Variants in GAPVD1 observed in about 807,000 individuals in gnomAD.
The protein encoded by GAPVD1 is GTPase-activating protein and VPS9 domain-containing protein 1.
In GAPVD1, 35 loss-of-function variants were observed where a neutral mutation model predicts 155.5. The ratio of observed to expected loss-of-function variants is 0.23; its 90% CI spans 0.17 to 0.30. The LOEUF is 0.30. Ranked by LOEUF, GAPVD1 falls within the 10% of genes least tolerant of loss-of-function variation. The pLI, the probability that GAPVD1 is intolerant of heterozygous loss-of-function variation, is 1.00. For missense variants in GAPVD1, 1,429 were observed against 1,775.7 expected, an observed-to-expected ratio of 0.80 and a Z score of 3.51; for synonymous variants, 636 against 619.7, an observed-to-expected ratio of 1.03 and a Z score of -0.39.
At chr9:125,264,973 C>T (rs1312976618) in intron 1 of GAPVD1, among the ~76,000 whole-genome samples, 1 of 151,972 alleles carries the variant, frequency 6.6e-6, no homozygotes, top group Non-Finnish European at 1.5e-5. Flanking sequence ...CCCGCCTTGG[C>T]CCCCCAGAGT....
At chr9:125,331,855 G>T in intron 13 of GAPVD1, 71 bp from the exon 14 acceptor site, 1 of 1,436,384 alleles carries the variant, frequency 7.0e-7, no homozygotes, top group South Asian at 1.2e-5. Context: ...TGTTTATCTG[G>T]GTCACAAAAG....
intron 19 of GAPVD1, among the ~76,000 whole-genome samples, chr9:125,345,647 T>C (rs1222963092): frequency 6.6e-6 from 1 of 152,222 alleles, no homozygotes; most frequent in Admixed American, 6.5e-5. Flanking sequence ...CCGATGAGCA[T>C]GCTACTTAAG....
At chr9:125,269,259 G>C (rs763373462) in intron 2 of GAPVD1, among the ~76,000 whole-genome samples, 2 of 151,758 alleles carry the variant, frequency 1.3e-5, no homozygotes, top group Non-Finnish European at 2.9e-5. Context: ...GGACAGACTA[G>C]TACTTGAAAA....
chr9:125,276,359 A>T (rs1020985076), intron 2 of GAPVD1, among the ~76,000 whole-genome samples: 3 of 152,108 alleles, frequency 2.0e-5, no homozygotes, highest in African/African-American at 2.4e-5. Context: ...CTTGTTTCAA[A>T]TTTTTTCTCA....
At chr9:125,283,771 T>G (rs1837183544) in intron 2 of GAPVD1, among the ~76,000 whole-genome samples, 1 of 152,212 alleles carries the variant, frequency 6.6e-6, no homozygotes. Context: ...CATAAAAAGT[T>G]GGAAATATTT....
At chr9:125,285,374 G>A (rs1347389374) in intron 2 of GAPVD1, among the ~76,000 whole-genome samples, 1 of 149,768 alleles carries the variant, frequency 6.7e-6, no homozygotes, top group Non-Finnish European at 1.5e-5. Flanking sequence ...AGTGATAAGT[G>A]TTAAAACATG....
At chr9:125,338,165 G>A (rs755826116) in intron 17 of GAPVD1, among the ~76,000 whole-genome samples, 10 of 152,284 alleles carry the variant, frequency 6.6e-5, no homozygotes, top group South Asian at 6.2e-4. Flanking sequence ...ATGAGCCACC[G>A]CACCTGGCCC....
chr9:125,365,097 G>T lies in GAPVD1; in HGVS notation c.*2351G>T, dbSNP rs1851384094. 6.6e-6 allele frequency: 1 copy of T among 152,270 alleles called. No homozygotes were observed. Among genetic ancestry groups the T allele is most frequent in the African/African-American group, 2.4e-5 (1 of 41,442 alleles). 9.4% of individuals were successfully genotyped at this position (152,270 alleles called of 1,614,324 possible). On this transcript the variant is annotated 3_prime_UTR_variant, in exon 28 of 28. Coordinates refer to ENST00000297933, the MANE Select transcript of GAPVD1 (RefSeq NM_001282680.3). ...GCAGGAGATAGGGCTGTGCTGTGTT[G>T]GAGCCGGGGCTGAGGGTAGACCCCC...
chr9:125,266,353 G>T (rs547702161), intron 1 of GAPVD1, among the ~76,000 whole-genome samples: 1 of 150,794 alleles, frequency 6.6e-6, no homozygotes, highest in Non-Finnish European at 1.5e-5. Flanking sequence ...TCGCTCTGTC[G>T]CCCAGGCTGG....
At chr9:125,331,356 ACGC>A (rs1846045884) in intron 13 of GAPVD1, among the ~76,000 whole-genome samples, 2 of 152,034 alleles carry the variant, frequency 1.3e-5, no homozygotes, top group Admixed American at 6.6e-5. Flanking sequence ...ACCTGCCACC[ACGC>A]CTAGCTAGTT....
At chr9:125,273,699 T>C (rs1835274386) in intron 2 of GAPVD1, among the ~76,000 whole-genome samples, 1 of 151,998 alleles carries the variant, frequency 6.6e-6, no homozygotes. Flanking sequence ...TCTAGATCCA[T>C]TGAGACAAGC....
chr9:125,266,832 G>A (rs1187554861), intron 1 of GAPVD1, among the ~76,000 whole-genome samples: 1 of 151,640 alleles, frequency 6.6e-6, no homozygotes, highest in Non-Finnish European at 1.5e-5. Context: ...GCCATCTCAA[G>A]TCACTGCAAC....
At position 125,310,537 on chromosome 9, in the gene GAPVD1, A is replaced by ATT. The variant is rs10616987; in HGVS notation, c.1442-1897_1442-1896dup. On this transcript the variant is annotated intron_variant, in intron 8 of 27. Coordinates refer to ENST00000297933, the MANE Select transcript of GAPVD1 (RefSeq NM_001282680.3). ...AAGAAAATAGAAACTTTTTTTCTTG[A>ATT]TTTTTTTTTTTTTTTTTTTGAGGCG... Among the ~76,000 whole-genome samples the ATT allele has an allele frequency of 1.6e-4, 20 of 122,236 alleles. No homozygotes were observed. In the East Asian group the frequency reaches 2.8e-3, roughly 17 times the overall value. The allele number at this position is 122,236 out of a possible 152,430, so 80.2% of individuals were successfully genotyped here.
At chr9:125,283,696 A>G (rs1052370351) in intron 2 of GAPVD1, among the ~76,000 whole-genome samples, 15 of 152,110 alleles carry the variant, frequency 9.9e-5, no homozygotes, top group African/African-American at 3.6e-4. Context: ...GATACATATC[A>G]TTAATTTGGG....
chr9:125,355,773 A>G lies in GAPVD1; in HGVS notation c.3887A>G (p.Gln1296Arg), dbSNP rs1192063702. The G allele has an allele frequency of 6.2e-7, 1 of 1,613,460 alleles. No homozygotes were observed. The part of the protein sequence containing the change: ...NASEEQLQDA[Q>R]LAIERSVMNR... ...AGTGAAGAACAGCTTCAAGATGCAC[A>G]GCTGGCCATTGAGCGAAGCGTGATG... is the stretch of plus-strand genomic sequence containing the variant. Residue 1296 changes from glutamine (Q) to arginine (R), a missense_variant, in exon 25 of 28, where the codon CAG becomes CGG. Physicochemically the swap from Gln to Arg is conservative, Grantham distance 43 (BLOSUM62 1). This residue lies in a region of GAPVD1 where 699 missense variants were observed against 826.0 expected (regional missense o/e 0.85). Transcript: ENST00000297933.
chr9:125,289,217 G>T (rs1225554659), intron 2 of GAPVD1, among the ~76,000 whole-genome samples: 1 of 152,198 alleles, frequency 6.6e-6, no homozygotes. Context: ...GAGAGGTAAG[G>T]TGGTGAGGAG....
Position 125,323,846 on chromosome 9 carries a change from A to C in GAPVD1, c.1781A>C (p.Glu594Ala), listed in dbSNP as rs1470959380. ...GTGTCCTCCCTAGACCTAGAAGGAG[A>C]GTCTGTGTCAGAACTTGGAGCAGGA... is the stretch of plus-strand genomic sequence containing the variant. ...NSVSSLDLEG[E>A]SVSELGAGPS... Residue 594 changes from glutamate to alanine, a missense_variant, in exon 11 of 28, where the codon GAG becomes GCG. Physicochemically the swap from Glu to Ala is moderately radical, Grantham distance 107. This residue lies in a region of GAPVD1 where 628 missense variants were observed against 733.4 expected (regional missense o/e 0.86). Coordinates refer to ENST00000297933, the MANE Select transcript of GAPVD1 (RefSeq NM_001282680.3). 6.2e-7 allele frequency: 1 copy of C among 1,612,782 alleles called. No homozygotes were observed. Among genetic ancestry groups the C allele is most frequent in the African/African-American group, 1.3e-5 (1 of 74,996 alleles).
intron 9 of GAPVD1, among the ~76,000 whole-genome samples, chr9:125,313,385 G>A (rs1204865385): frequency 2.0e-5 from 3 of 149,318 alleles, no homozygotes; most frequent in African/African-American, 7.4e-5. Flanking sequence ...CTCACTGCAA[G>A]CTCTGCCTCC....
intron 1 of GAPVD1, among the ~76,000 whole-genome samples, chr9:125,265,293 A>G (rs1321941689): frequency 6.6e-6 from 1 of 151,464 alleles, no homozygotes; most frequent in Non-Finnish European, 1.5e-5. Flanking sequence ...TTTTGAAACA[A>G]GGTCTTGCTG....
Sources: gnomAD v4.1 joint callset for allele counts (sites outside exome capture counted in the v4.1 genomes callset) on GRCh38, gnomAD v4.1.1 for gene constraint, gnomAD v4.1.1 regional missense constraint, MANE v1.5 for transcripts, NCBI Gene and HGNC (gene_info 2026-07-23, HGNC 2026-07-21) for gene names.